The following BRIP1 variants were observed in gnomAD, a reference collection of about 807,000 sequenced individuals.
BRIP1 encodes BRCA1 interacting DNA helicase 1.
BRIP1 carries 88 observed loss-of-function variants against 119.7 expected under a neutral mutation model. That is an observed-to-expected ratio of 0.74 (90% CI 0.62 to 0.88). The LOEUF is 0.88. Among genes scored for constraint, BRIP1 ranks in the 40% least tolerant of loss-of-function variants. BRIP1 has a pLI of 0.00. For missense variants in BRIP1, 1,259 were observed against 1,455.4 expected (o/e 0.87, Z 2.20); for synonymous variants, 443 against 496.5 (o/e 0.89, Z 1.43).
chr17:61,849,363 A>G, intron 4 of BRIP1, 107 bp from the exon 5 acceptor site: 2 of 918,330 alleles, frequency 2.2e-6, no homozygotes, highest in Non-Finnish European at 3.3e-6. Flanking sequence ...GAAATTTCAT[A>G]CCATAATCTA....
In BRIP1 at chr17:61,722,036, C is replaced by CTT. The variant is rs67186945; in HGVS notation, c.2380-5975_2380-5974dup. Reference sequence around the variant, plus strand: ...GAGCCACCACGCCTAGCCAACTTTGCTTTTTTTTTTTTTCTTTTTTTTTGA... The same window carrying CTT: ...GAGCCACCACGCCTAGCCAACTTTGCTTTTTTTTTTTTTTTCTTTTTTTTTGA... On this transcript the variant is annotated intron_variant, in intron 16 of 19. Coordinates refer to ENST00000259008, the MANE Select transcript of BRIP1 (RefSeq NM_032043.3). This position sits in a 1 kb window ranked among gnomAD's most constrained non-coding sequence, Gnocchi z 4.6. 1.3e-4 allele frequency among the ~76,000 whole-genome samples: 18 copies of CTT among 141,892 alleles called. No homozygotes were observed. The highest frequency in any genetic ancestry group is 4.6e-4 in the African/African-American group (18 of 38,752). 93.1% of individuals were successfully genotyped at this position (141,892 alleles called of 152,430 possible).
chr17:61,845,575 T>C lies in BRIP1; in HGVS notation c.627+1526A>G, dbSNP rs919318014. ...AGTATATACAAATTTTTTAAAATTC[T>C]GATTTTCACTTGAAAGCTCAAATTT... On this transcript the variant is annotated intron_variant, in intron 6 of 19. Transcript: ENST00000259008. The surrounding 1 kb of genome is among the most constrained non-coding windows in gnomAD (Gnocchi z 4.2). Among the ~76,000 whole-genome samples the C allele has an allele frequency of 2.6e-5, 4 of 152,228 alleles. No homozygotes were observed. Among genetic ancestry groups the C allele is most frequent in the Non-Finnish European group, 5.9e-5 (4 of 68,038 alleles).
rs1184060520 is a variant in BRIP1, at chr17:61,700,893, A to G, written c.2493-7381T>C. Among the ~76,000 whole-genome samples the G allele has an allele frequency of 6.6e-6, 1 of 152,058 alleles. No homozygotes were observed. Among genetic ancestry groups the G allele is most frequent in the East Asian group, 1.9e-4 (1 of 5,184 alleles). ...AATAATCTCAATTGATGTTTAAGTA[A>G]ATCAATTCTTTCTTCTGCCTTCTTA... On this transcript the variant is annotated intron_variant, in intron 17 of 19. Transcript: ENST00000259008. The surrounding 1 kb of genome is among the most constrained non-coding windows in gnomAD (Gnocchi z 4.1).
chr17:61,722,865 G>T lies in BRIP1; in HGVS notation c.2380-6802C>A, dbSNP rs2062004870. ...TCAAACACCTTTTACACTCCAAATG[G>T]CCTTTAAAATACTGCCAATATTTTA... On this transcript the variant is annotated intron_variant, in intron 16 of 19. Coordinates refer to ENST00000259008, the MANE Select transcript of BRIP1 (RefSeq NM_032043.3). This position sits in a 1 kb window ranked among gnomAD's most constrained non-coding sequence, Gnocchi z 4.6. Among the ~76,000 whole-genome samples the T allele has an allele frequency of 6.6e-6, 1 of 151,796 alleles. No individual in the cohort carries two copies. Among genetic ancestry groups the T allele is most frequent in the Non-Finnish European group, 1.5e-5 (1 of 67,962 alleles).
intron 10 of BRIP1, among the ~76,000 whole-genome samples, chr17:61,786,216 C>G (rs1411713703): frequency 6.6e-6 from 1 of 151,330 alleles, no homozygotes; most frequent in African/African-American, 2.4e-5. Flanking sequence ...GTGTGTGTGA[C>G]AGAGAGAGAA....
chr17:61,731,874 CCT>C lies in BRIP1; in HGVS notation c.2379+11137_2379+11138del, dbSNP rs1017379513. ...AACTGTGTTGTGTATCACTCTGTCC[CCT>C]GAGTCTATTATAATACTTGGTGCTC... On this transcript the variant is annotated intron_variant, in intron 16 of 19. Coordinates refer to ENST00000259008, the MANE Select transcript of BRIP1 (RefSeq NM_032043.3). Among the ~76,000 whole-genome samples, 72 of 150,828 alleles carry C rather than the reference CCT, an allele frequency of 4.8e-4. 1 individual carries two copies. The highest frequency in any genetic ancestry group is 1.6e-3 in the African/African-American group (67 of 41,032).
chr17:61,754,025 A>G lies in BRIP1; in HGVS notation c.2098-9434T>C, dbSNP rs1035015813. Among the ~76,000 whole-genome samples, 1 of 152,210 alleles carries G rather than the reference A, an allele frequency of 6.6e-6. No individual in the cohort carries two copies. The highest frequency in any genetic ancestry group is 1.5e-5 in the Non-Finnish European group (1 of 68,034). ...ATCTTTACTGCTACCACAGTGGTCCAAGCCACCACCATCTATCATCTAGAT... is the reference window on the plus strand; with the variant it reads ...ATCTTTACTGCTACCACAGTGGTCCGAGCCACCACCATCTATCATCTAGAT... On this transcript the variant is annotated intron_variant, in intron 14 of 19. Transcript: ENST00000259008. This position sits in a 1 kb window ranked among gnomAD's most constrained non-coding sequence, Gnocchi z 4.1.
rs909931264 is a variant in BRIP1 at position 61,767,341 on chromosome 17, A to T, written c.2097+9060T>A. 4.6e-5 allele frequency among the ~76,000 whole-genome samples: 7 copies of T among 152,102 alleles called. No homozygotes were observed. Among genetic ancestry groups the T allele is most frequent in the Non-Finnish European group, 1.0e-4 (7 of 68,028 alleles). The stretch of plus-strand genomic sequence containing the variant: ...GGCCAAGCTGGAGTGCAGTGGTGTG[A>T]TCACAGCTCACTGCAGCCTCAAACT... On this transcript the variant is annotated intron_variant, in intron 14 of 19. Coordinates refer to ENST00000259008, the MANE Select transcript of BRIP1 (RefSeq NM_032043.3). The surrounding 1 kb of genome is among the most constrained non-coding windows in gnomAD (Gnocchi z 5.7).
chr17:61,777,269 AAAC>A (rs2145042366), intron 13 of BRIP1, among the ~76,000 whole-genome samples: 1 of 152,322 alleles, frequency 6.6e-6, no homozygotes, highest in Non-Finnish European at 1.5e-5. Context: ...GAGTAGAAAA[AAAC>A]AAACTTTTTC....
Position 61,846,736 on chromosome 17 carries a change from T to G in BRIP1, c.627+365A>C, listed in dbSNP as rs946254048. On this transcript the variant is annotated intron_variant, in intron 6 of 19. Transcript: ENST00000259008. This position sits in a 1 kb window ranked among gnomAD's most constrained non-coding sequence, Gnocchi z 4.3. ...AAATAATTTTCACCTCACAGATCAC[T>G]CCCCAAAAAAATCTCAATATCTAGA... 4.6e-5 allele frequency among the ~76,000 whole-genome samples: 7 copies of G among 151,990 alleles called. No individual in the cohort carries two copies. Among genetic ancestry groups the G allele is most frequent in the African/African-American group, 1.2e-4 (5 of 41,376 alleles).
intron 13 of BRIP1, among the ~76,000 whole-genome samples, chr17:61,777,062 T>A (rs975853711): frequency 6.6e-6 from 1 of 152,202 alleles, no homozygotes; most frequent in Admixed American, 6.5e-5. Flanking sequence ...TTACAGTTAT[T>A]TGCAATTCTA....
At position 61,861,693 on chromosome 17, in the gene BRIP1, G is replaced by A; in HGVS notation, c.-30-124C>T. ...TAATAAAAGTATAAACAAAACAAAT[G>A]GAAACAAAATAATTTCCTAGTCTTA... On this transcript the variant is annotated intron_variant, in intron 1 of 19. Coordinates refer to ENST00000259008, the MANE Select transcript of BRIP1 (RefSeq NM_032043.3). The surrounding 1 kb of genome is among the most constrained non-coding windows in gnomAD (Gnocchi z 4.5). 1 of 666,958 alleles carries A rather than the reference G, an allele frequency of 1.5e-6. No individual in the cohort carries two copies. The highest frequency in any genetic ancestry group is 2.7e-6 in the Non-Finnish European group (1 of 374,274). 41.3% of individuals were successfully genotyped at this position (666,958 alleles called of 1,614,324 possible). A position where few individuals can be genotyped will look rare whatever the true frequency, so the allele number is the denominator to read the frequency against.
rs2078854187 is a variant in BRIP1 at position 61,853,628 on chromosome 17, G to A, written c.379+3430C>T. ...ACTCATTGTTGATAAAGACACAAAG[G>A]CAATGTAGTGGATAAAGGATAGCCT... On this transcript the variant is annotated intron_variant, in intron 4 of 19. Coordinates refer to ENST00000259008, the MANE Select transcript of BRIP1 (RefSeq NM_032043.3). This position sits in a 1 kb window ranked among gnomAD's most constrained non-coding sequence, Gnocchi z 4.3. Among the ~76,000 whole-genome samples, 1 of 152,064 alleles carries A rather than the reference G, an allele frequency of 6.6e-6. No individual in the cohort carries two copies. The highest frequency in any genetic ancestry group is 2.4e-5 in the African/African-American group (1 of 41,396).
In BRIP1 at chr17:61,759,199, G is replaced by A. The variant is rs1277359689; in HGVS notation, c.2098-14608C>T. Among the ~76,000 whole-genome samples, 1 of 151,986 alleles carries A rather than the reference G, an allele frequency of 6.6e-6. No homozygotes were observed. Among genetic ancestry groups the A allele is most frequent in the Non-Finnish European group, 1.5e-5 (1 of 67,988 alleles). On this transcript the variant is annotated intron_variant, in intron 14 of 19. Transcript: ENST00000259008. This position sits in a 1 kb window ranked among gnomAD's most constrained non-coding sequence, Gnocchi z 4.9. ...TGCCTACAAGAGATTTGCTTTTAAG[G>A]ATGCACAGAGGCTGAAAGTGAGCAG...
At position 61,699,942 on chromosome 17, in the gene BRIP1, G is replaced by A. The variant is rs959725438; in HGVS notation, c.2493-6430C>T. 2.0e-5 allele frequency among the ~76,000 whole-genome samples: 3 copies of A among 152,204 alleles called. No individual in the cohort carries two copies. Among genetic ancestry groups the A allele is most frequent in the East Asian group, 1.9e-4 (1 of 5,196 alleles). ...TTGCCACAACTCATTGCTCGGGGAA[G>A]TGTGTCCTGTGTAACTGCACTGGGA... is the stretch of plus-strand genomic sequence containing the variant. On this transcript the variant is annotated intron_variant, in intron 17 of 19. Coordinates refer to ENST00000259008, the MANE Select transcript of BRIP1 (RefSeq NM_032043.3). This position sits in a 1 kb window ranked among gnomAD's most constrained non-coding sequence, Gnocchi z 4.8.
At chr17:61,784,246 T>A (rs762727626) in intron 11 of BRIP1, 24 bp downstream of exon 11, 1 of 1,601,780 alleles carries the variant, frequency 6.2e-7, no homozygotes, top group Non-Finnish European at 8.5e-7. Context: ...AAAAGGAAAA[T>A]ACATACTAGT....
intron 14 of BRIP1, among the ~76,000 whole-genome samples, chr17:61,747,902 A>AT (rs35956751): frequency 0.21 from 29,026 of 141,064 alleles, 4,051 homozygotes; most frequent in East Asian, 0.66. Context: ...TGCCCTGGTA[A>AT]TTTTTTTTTT....
Position 61,827,435 on chromosome 17 carries a change from T to A in BRIP1, c.628-18678A>T, listed in dbSNP as rs11654581. Among the ~76,000 whole-genome samples, 28,921 of 151,638 alleles carry A rather than the reference T, an allele frequency of 0.19. 3,186 individuals are homozygous for A. Among genetic ancestry groups the A allele is most frequent in the Admixed American group, 0.3 (4,629 of 15,240 alleles). On this transcript the variant is annotated intron_variant, in intron 6 of 19. Coordinates refer to ENST00000259008, the MANE Select transcript of BRIP1 (RefSeq NM_032043.3). The surrounding 1 kb of genome is among the most constrained non-coding windows in gnomAD (Gnocchi z 5.8). ...CTGAACTTAAAATAAAAATTAAATT[T>A]AAAAAAAATGGGGCTGGGAGTGGTG...
At chr17:61,790,571 A>G (rs1004322144) in intron 10 of BRIP1, among the ~76,000 whole-genome samples, 2 of 152,122 alleles carry the variant, frequency 1.3e-5, no homozygotes, top group African/African-American at 4.8e-5. Context: ...ATATATCTAT[A>G]TGGTTGTGTT....
Sources: allele counts gnomAD v4.1 joint callset (sites outside exome capture counted in the v4.1 genomes callset), GRCh38; gene constraint gnomAD v4.1.1; non-coding constraint Gnocchi (gnomAD v3.1); transcripts MANE v1.5; gene names NCBI Gene and HGNC (gene_info 2026-07-23, HGNC 2026-07-21).